Variants in NFASC observed in about 807,000 individuals in gnomAD.
The protein encoded by NFASC is neurofascin homolog.
NFASC carries 43 observed loss-of-function variants against 147.5 expected under a neutral mutation model. The ratio of observed to expected loss-of-function variants is 0.29; its 90% CI spans 0.23 to 0.38. The LOEUF (loss-of-function observed/expected upper bound fraction) is 0.38. NFASC is among the 10% of genes least tolerant of loss of function. The pLI is 1.00. For synonymous variants in NFASC, 622 were observed against 665.5 expected (o/e 0.93, Z 1.01); for missense variants, 1,320 against 1,689.0 (o/e 0.78, Z 3.83).
At chr1:204,868,540 C>G (rs1382208744) in intron 1 of NFASC, among the ~76,000 whole-genome samples, 1 of 152,230 alleles carries the variant, frequency 6.6e-6, no homozygotes, top group Non-Finnish European at 1.5e-5. Flanking sequence ...ATTCCTCTTT[C>G]TGGCTGCCAA....
chr1:204,903,148 A>G (rs1239905821), intron 1 of NFASC, among the ~76,000 whole-genome samples: 3 of 152,304 alleles, frequency 2.0e-5, no homozygotes, highest in African/African-American at 4.8e-5. Flanking sequence ...GTTTTGACCA[A>G]TTTTAATACT....
chr1:204,893,001 C>A (rs956566137), intron 1 of NFASC, among the ~76,000 whole-genome samples: 3 of 152,188 alleles, frequency 2.0e-5, no homozygotes, highest in African/African-American at 7.2e-5. Context: ...AGCAAAAAAA[C>A]AATGACTAGG....
At chr1:204,985,408 C>G (rs1225764187) in intron 21 of NFASC, among the ~76,000 whole-genome samples, 2 of 152,224 alleles carry the variant, frequency 1.3e-5, no homozygotes, top group Non-Finnish European at 2.9e-5. Flanking sequence ...TAAATCAACC[C>G]TTTCTCATAT....
At chr1:204,914,870 A>G (rs1289959147) in intron 1 of NFASC, among the ~76,000 whole-genome samples, 1 of 152,236 alleles carries the variant, frequency 6.6e-6, no homozygotes, top group Non-Finnish European at 1.5e-5. Flanking sequence ...AAAGATATGT[A>G]TTGTAGCAAT....
At chr1:204,854,433 T>C (rs2075982539) in intron 1 of NFASC, among the ~76,000 whole-genome samples, 7 of 151,964 alleles carry the variant, frequency 4.6e-5, no homozygotes, top group Admixed American at 4.6e-4. Flanking sequence ...TTACCTGCAG[T>C]AGGGAAAGCA....
At chr1:204,929,245 G>A (rs1477854991) in intron 2 of NFASC, among the ~76,000 whole-genome samples, 1 of 152,068 alleles carries the variant, frequency 6.6e-6, no homozygotes, top group Admixed American at 6.6e-5. Context: ...TAAACACACA[G>A]CCCCTCACTC....
At chr1:204,942,827 A>G (rs929539450) in intron 2 of NFASC, among the ~76,000 whole-genome samples, 2 of 152,132 alleles carry the variant, frequency 1.3e-5, no homozygotes, top group African/African-American at 4.8e-5. Flanking sequence ...TGGGAAAGAA[A>G]CTGCAAAAAT....
chr1:204,930,581 A>G (rs567090276), intron 2 of NFASC, among the ~76,000 whole-genome samples: 1 of 152,340 alleles, frequency 6.6e-6, no homozygotes, highest in African/African-American at 2.4e-5. Context: ...AGTCTGATGC[A>G]GGAGATGGAT....
rs1329215871 is a variant in NFASC at position 204,830,004 on chromosome 1, GGGGT to G, written c.-200+1224_-200+1227del. ...GACTCCTTCCTTGGCATTTTGGCATGGGGTGTGTGTGTGTGTGTGTGTGTGTGTG... is the reference window on the plus strand; with the variant it reads ...GACTCCTTCCTTGGCATTTTGGCATGGTGTGTGTGTGTGTGTGTGTGTGTG... On this transcript the variant is annotated intron_variant, in intron 1 of 29. Coordinates refer to ENST00000339876, the MANE Select transcript of NFASC (RefSeq NM_001005388.3). Among the ~76,000 whole-genome samples, 5 of 91,260 alleles carry G rather than the reference GGGGT, an allele frequency of 5.5e-5. No homozygotes were observed. In the South Asian group the frequency reaches 2.3e-3, roughly 41 times the overall value. 59.9% of individuals were successfully genotyped at this position (91,260 alleles called of 152,430 possible).
intron 1 of NFASC, among the ~76,000 whole-genome samples, chr1:204,920,058 C>T (rs550476692): frequency 1.3e-3 from 201 of 152,312 alleles, no homozygotes; most frequent in African/African-American, 4.4e-3. Flanking sequence ...TGCCTTCTCC[C>T]CATGTTACAG....
chr1:204,834,371 G>A (rs999204341), intron 1 of NFASC, among the ~76,000 whole-genome samples: 11 of 152,194 alleles, frequency 7.2e-5, no homozygotes, highest in African/African-American at 2.7e-4. Context: ...TTCTTGTCCT[G>A]GCTTTCCTCT....
intron 2 of NFASC, among the ~76,000 whole-genome samples, chr1:204,938,951 A>G (rs2093117111): frequency 6.6e-6 from 1 of 151,906 alleles, no homozygotes; most frequent in African/African-American, 2.4e-5. Context: ...AACCAATGCC[A>G]TTTGGAGTTT....
At chr1:204,874,290 C>T (rs1053524703) in intron 1 of NFASC, among the ~76,000 whole-genome samples, 1 of 152,236 alleles carries the variant, frequency 6.6e-6, no homozygotes, top group African/African-American at 2.4e-5. Context: ...GCTGCCACTC[C>T]CTTTTGTCGT....
intron 1 of NFASC, among the ~76,000 whole-genome samples, chr1:204,849,902 G>A (rs1488593308): frequency 6.6e-6 from 1 of 152,216 alleles, no homozygotes; most frequent in African/African-American, 2.4e-5. Flanking sequence ...TATCCAAGAA[G>A]CATTTACTGA....
chr1:204,968,798 C>G lies in NFASC; in HGVS notation c.819C>G (p.Val273=), dbSNP rs2095095688. The change falls in exon 10 of 30, where the codon GTC becomes GTG. Residue 273 remains valine (V), a splice_region_variant and synonymous_variant. Transcript: ENST00000339876. The surrounding 1 kb of genome is among the most constrained non-coding windows in gnomAD (Gnocchi z 5.4). The part of the protein sequence containing the change: ...DLLLECIASG[V]PTPDIAWYKK... ...GTTTCCTGCTTGGCGCCTCTCCTAGCCCAACACCAGACATCGCATGGTACA... is the reference window on the plus strand; with the variant it reads ...GTTTCCTGCTTGGCGCCTCTCCTAGGCCAACACCAGACATCGCATGGTACA... 7 of 1,611,980 alleles carry G rather than the reference C, an allele frequency of 4.3e-6. No homozygotes were observed. In the African/African-American group the frequency reaches 9.3e-5, roughly 21 times the overall value.
At chr1:204,965,399 A>G (rs1427942992) in intron 8 of NFASC, among the ~76,000 whole-genome samples, 2 of 152,180 alleles carry the variant, frequency 1.3e-5, no homozygotes, top group African/African-American at 2.4e-5. Flanking sequence ...CTAGATTTTC[A>G]TATGAGTTCC....
chr1:204,935,427 G>A (rs2092737320), intron 2 of NFASC, among the ~76,000 whole-genome samples: 3 of 152,228 alleles, frequency 2.0e-5, no homozygotes, highest in Admixed American at 6.5e-5. Context: ...GGCTCCAGAT[G>A]TGTCTGGGAA....
At chr1:205,014,446 G>C (rs2096309467) in intron 29 of NFASC, among the ~76,000 whole-genome samples, 2 of 152,210 alleles carry the variant, frequency 1.3e-5, no homozygotes, top group African/African-American at 4.8e-5. Flanking sequence ...CTAGGGGCGA[G>C]GAGTGCTGTT....
Position 204,974,186 on chromosome 1 carries a change from G to A in NFASC, c.1287G>A (p.Pro429=), listed in dbSNP as rs147657218. The change falls in exon 13 of 30, where the codon CCG becomes CCA. Residue 429 remains proline, a synonymous_variant. Transcript: ENST00000339876. ...CTTCTCTGGGAATTTCAGATGTGCC[G>A]CCTCGGATGCTGTCGCCCCGGAACC... ...ANAFVSVLDV[P]PRMLSPRNQL... 1.3e-4 allele frequency: 203 copies of A among 1,613,444 alleles called. No homozygotes were observed. In the Middle Eastern group the frequency reaches 1.3e-3, roughly 10 times the overall value.
Sources: allele counts gnomAD v4.1 joint callset (sites outside exome capture counted in the v4.1 genomes callset), GRCh38; gene constraint gnomAD v4.1.1; non-coding constraint Gnocchi (gnomAD v3.1); transcripts MANE v1.5; gene names NCBI Gene and HGNC (gene_info 2026-07-23, HGNC 2026-07-21).